Variants in R3HDM2 observed in about 807,000 individuals in gnomAD.
The protein encoded by R3HDM2 is R3H domain containing 2, also known as R3H domain-containing protein 2.
A neutral mutation model predicts 124.5 loss-of-function variants in R3HDM2; 38 were observed. That is an observed-to-expected ratio of 0.31 (90% confidence interval 0.24 to 0.40). The LOEUF is 0.40. Among genes scored for constraint, R3HDM2 ranks in the 10% least tolerant of loss-of-function variants. R3HDM2 has a pLI of 1.00. For synonymous variants in R3HDM2, 391 were observed against 448.0 expected (o/e 0.87, Z 1.61); for missense variants, 869 against 1,236.9 (o/e 0.70, Z 4.46).
chr12:57,424,836 C>T (rs1404451466), intron 1 of R3HDM2, among the ~76,000 whole-genome samples: 4 of 152,156 alleles, frequency 2.6e-5, no homozygotes, highest in Admixed American at 1.3e-4. Flanking sequence ...TCCCAAAGTG[C>T]TGCACTACAG....
intron 18 of R3HDM2, among the ~76,000 whole-genome samples, chr12:57,267,508 T>C (rs999011807): frequency 3.3e-5 from 5 of 152,136 alleles, no homozygotes; most frequent in African/African-American, 9.7e-5. Flanking sequence ...TGAGCTGAGA[T>C]TGTCATTGTA....
In R3HDM2 at chr12:57,346,776, T is replaced by G. The variant is rs541669068; in HGVS notation, c.-35-36313A>C. ...TATAATAGACTATTCTCCTATTGAGTTCCTTAAAATGTTTGATGTTTGAGA... is the reference window on the plus strand; with the variant it reads ...TATAATAGACTATTCTCCTATTGAGGTCCTTAAAATGTTTGATGTTTGAGA... On this transcript the variant is annotated intron_variant, in intron 2 of 23. Transcript: ENST00000402412. 1.1e-4 allele frequency among the ~76,000 whole-genome samples: 17 copies of G among 152,234 alleles called. 1 individual carries two copies. Among genetic ancestry groups the G allele is most frequent in the Non-Finnish European group, 7.3e-5 (5 of 68,048 alleles).
Position 57,409,810 on chromosome 12 carries a change from CT to C in R3HDM2, c.-105-13993del, listed in dbSNP as rs370423456. On this transcript the variant is annotated intron_variant, in intron 1 of 23. Transcript: ENST00000402412. ...ATTTACCCCATAACCCCCTTCATAA[CT>C]TTTTTGTCTCAGTAAGTTCTTTGAA... Among the ~76,000 whole-genome samples, 183 of 152,178 alleles carry C rather than the reference CT, an allele frequency of 1.2e-3. 5 individuals are homozygous for C. The South Asian group carries it at 0.02, about 17-fold the overall frequency.
At chr12:57,258,249 C>T in intron 20 of R3HDM2, 112 bp from the exon 21 acceptor site, 1 of 1,077,644 alleles carries the variant, frequency 9.3e-7, no homozygotes. Flanking sequence ...TCTTGCTGAA[C>T]TCTGCCAAAG....
At chr12:57,295,614 G>A (rs1243065103) in intron 9 of R3HDM2, 107 bp from the exon 10 acceptor site, 25 of 732,676 alleles carry the variant, frequency 3.4e-5, no homozygotes. Flanking sequence ...CACACTCAGG[G>A]AATTTCTGGA....
chr12:57,428,427 C>A (rs1037865906), intron 1 of R3HDM2, among the ~76,000 whole-genome samples: 1 of 150,294 alleles, frequency 6.7e-6, no homozygotes, highest in Admixed American at 6.8e-5. Context: ...GTCAGGAGAT[C>A]GAGACCATCC....
At chr12:57,421,029 T>C (rs1019732882) in intron 1 of R3HDM2, among the ~76,000 whole-genome samples, 1 of 152,066 alleles carries the variant, frequency 6.6e-6, no homozygotes, top group Non-Finnish European at 1.5e-5. Context: ...GAAGTCACTA[T>C]CCACCTTAGC....
intron 1 of R3HDM2, among the ~76,000 whole-genome samples, chr12:57,424,967 T>A (rs1193930739): frequency 6.6e-6 from 1 of 151,902 alleles, no homozygotes; most frequent in East Asian, 1.9e-4. Context: ...CTCAAAAAAA[T>A]AAATAAATAA....
intron 14 of R3HDM2, among the ~76,000 whole-genome samples, chr12:57,278,561 A>G (rs2045397919): frequency 1.3e-5 from 2 of 152,348 alleles, no homozygotes; most frequent in South Asian, 2.1e-4. Flanking sequence ...ACACGGTAGC[A>G]GATGACAGAA....
intron 2 of R3HDM2, among the ~76,000 whole-genome samples, chr12:57,335,859 T>C (rs2058788775): frequency 6.6e-6 from 1 of 151,946 alleles, no homozygotes; most frequent in Non-Finnish European, 1.5e-5. Context: ...CTTGAGCCTA[T>C]GAGTTCCATC....
chr12:57,406,721 GATGGAAGTATACAACACTGC>G (rs2068557899), intron 1 of R3HDM2, among the ~76,000 whole-genome samples: 1 of 152,164 alleles, frequency 6.6e-6, no homozygotes, highest in Non-Finnish European at 1.5e-5. Context: ...ACATGCCCTT[GATGGAAGTATACAACACTGC>G]ATAAAGCATG....
At chr12:57,425,253 C>T (rs149914733) in intron 1 of R3HDM2, among the ~76,000 whole-genome samples, 8,328 of 146,968 alleles carry the variant, frequency 0.057, 652 homozygotes, top group African/African-American at 0.18. Flanking sequence ...ACCTGGGCAA[C>T]AAGAGCGAAA....
intron 14 of R3HDM2, chr12:57,272,455 TG>T (rs770381556): frequency 6.5e-7 from 1 of 1,548,596 alleles, no homozygotes; most frequent in South Asian, 1.2e-5. Context: ...GTTTATACCA[TG>T]TTGTACTGCT....
At chr12:57,411,659 T>C (rs953288859) in intron 1 of R3HDM2, among the ~76,000 whole-genome samples, 1 of 152,210 alleles carries the variant, frequency 6.6e-6, no homozygotes, top group Non-Finnish European at 1.5e-5. Flanking sequence ...TCTCAAGCTG[T>C]TGAATAAGAA....
At chr12:57,259,085 G>T in intron 19 of R3HDM2, 26 bp from the exon 20 acceptor site, 1 of 1,601,310 alleles carries the variant, frequency 6.2e-7, no homozygotes, top group Non-Finnish European at 8.5e-7. Flanking sequence ...AAAGCAGTTG[G>T]TTACAAATTC....
At chr12:57,308,914 C>T (rs1163043039) in intron 3 of R3HDM2, among the ~76,000 whole-genome samples, 1 of 152,150 alleles carries the variant, frequency 6.6e-6, no homozygotes, top group Non-Finnish European at 1.5e-5. Flanking sequence ...TCAGTGGAGG[C>T]TGGAAGTACA....
In R3HDM2 at chr12:57,296,667, A is replaced by G; in HGVS notation, c.561-116T>C. On this transcript the variant is annotated intron_variant, in intron 8 of 23. Transcript: ENST00000402412. This position sits in a 1 kb window ranked among gnomAD's most constrained non-coding sequence, Gnocchi z 4.5. ...AAAGTTTCTTAGGAGAAATAGACAT[A>G]TTATAAGGAATATAGATATTTACTA... is the stretch of plus-strand genomic sequence containing the variant. 1.9e-6 allele frequency: 2 copies of G among 1,061,568 alleles called. No individual in the cohort carries two copies. Among genetic ancestry groups the G allele is most frequent in the Admixed American group, 5.3e-5 (2 of 37,534 alleles). 65.8% of individuals were successfully genotyped at this position (1,061,568 alleles called of 1,614,324 possible). A position where few individuals can be genotyped will look rare whatever the true frequency, so the allele number is the denominator to read the frequency against.
intron 14 of R3HDM2, among the ~76,000 whole-genome samples, chr12:57,273,916 T>A (rs972884582): frequency 6.6e-6 from 1 of 152,202 alleles, no homozygotes; most frequent in Non-Finnish European, 1.5e-5. Context: ...GAGGTCTCAA[T>A]AATTAGGTAA....
intron 14 of R3HDM2, among the ~76,000 whole-genome samples, chr12:57,270,618 A>T (rs1354801189): frequency 6.6e-6 from 1 of 151,860 alleles, no homozygotes; most frequent in African/African-American, 2.4e-5. Context: ...TTTTTAGTAG[A>T]GTCGGGGTTT....
Sources: allele counts gnomAD v4.1 joint callset (sites outside exome capture counted in the v4.1 genomes callset), GRCh38; gene constraint gnomAD v4.1.1; non-coding constraint Gnocchi (gnomAD v3.1); transcripts MANE v1.5; gene names NCBI Gene and HGNC (gene_info 2026-07-23, HGNC 2026-07-21).